NCKAP5: variants seen among roughly 807,000 people sequenced by gnomAD.
NCKAP5 encodes the protein NCK associated protein 5.
NCKAP5 carries 92 observed loss-of-function variants against 167.0 expected under a neutral mutation model. The ratio of observed to expected loss-of-function variants is 0.55; its 90% CI spans 0.47 to 0.66. NCKAP5 has a LOEUF of 0.66. NCKAP5 is among the 30% of genes least tolerant of loss of function. The probability of loss-of-function intolerance (pLI) is 0.00; values close to 1 mark genes in which losing one functional copy is unlikely to be tolerated. For missense variants in NCKAP5, 2,378 were observed against 2,315.0 expected (o/e 1.03, Z -0.56); for synonymous variants, 891 against 877.4 (o/e 1.02, Z -0.27).
At chr2:133,571,197 A>AT (rs1439117090), upstream of NCKAP5, among the ~76,000 whole-genome samples, 171 of 145,494 alleles carry the variant, frequency 1.2e-3, 1 homozygote, top group African/African-American at 4.1e-3. Flanking sequence ...TTTCCTGCAT[A>AT]TTTTTATTTT....
intron 5 of NCKAP5, among the ~76,000 whole-genome samples, chr2:133,197,441 A>T (rs1305824786): frequency 6.6e-6 from 1 of 152,212 alleles, no homozygotes; most frequent in Non-Finnish European, 1.5e-5. Context: ...AATCAACATT[A>T]TCTTTTGAAT....
intron 6 of NCKAP5, among the ~76,000 whole-genome samples, chr2:133,091,317 C>T (rs879368236): frequency 7.2e-5 from 11 of 152,182 alleles, no homozygotes; most frequent in Admixed American, 3.3e-4. Context: ...GAAACCTTTC[C>T]TGTCCCTCTC....
At chr2:132,705,836 A>T (rs1558947953) in intron 19 of NCKAP5, among the ~76,000 whole-genome samples, 1 of 152,200 alleles carries the variant, frequency 6.6e-6, no homozygotes. Flanking sequence ...CCCAGAGAAG[A>T]TTAGTGATTT....
the NCKAP5 span, among the ~76,000 whole-genome samples, chr2:133,631,559 G>GT: frequency 4.6e-3 from 694 of 152,268 alleles, 3 homozygotes; most frequent in African/African-American, 0.016. Context: ...TATTCTGTGA[G>GT]TTTTTTGCAA....
At chr2:133,362,012 GAA>G (rs112037723) in intron 3 of NCKAP5, among the ~76,000 whole-genome samples, 13 of 146,596 alleles carry the variant, frequency 8.9e-5, no homozygotes, top group African/African-American at 2.5e-4. Flanking sequence ...TTTAAAAAAT[GAA>G]AAAAAAAACA....
At chr2:133,139,896 C>A (rs2082933688) in intron 5 of NCKAP5, among the ~76,000 whole-genome samples, 1 of 152,066 alleles carries the variant, frequency 6.6e-6, no homozygotes, top group Admixed American at 6.6e-5. Flanking sequence ...GAGTAATAAC[C>A]CAGGTAGGTA....
At chr2:133,258,623 T>C (rs113145910) in intron 4 of NCKAP5, among the ~76,000 whole-genome samples, 141 of 152,074 alleles carry the variant, frequency 9.3e-4, no homozygotes, top group African/African-American at 3.2e-3. Context: ...TGCATGCCTA[T>C]AGTCGCAGCT....
chr2:133,253,505 A>T (rs2150345703), intron 4 of NCKAP5, among the ~76,000 whole-genome samples: 1 of 152,308 alleles, frequency 6.6e-6, no homozygotes, highest in East Asian at 1.9e-4. Flanking sequence ...TGCCCTCTCT[A>T]CCACCCAAGG....
chr2:133,388,213 G>C (rs1687136936), intron 3 of NCKAP5, among the ~76,000 whole-genome samples: 1 of 152,164 alleles, frequency 6.6e-6, no homozygotes, highest in Non-Finnish European at 1.5e-5. Context: ...CGTACAGATG[G>C]GGCTTTGGTG....
At chr2:132,923,602 T>A (rs1695611146) in intron 8 of NCKAP5, among the ~76,000 whole-genome samples, 1 of 152,168 alleles carries the variant, frequency 6.6e-6, no homozygotes, top group Admixed American at 6.5e-5. Flanking sequence ...GATCATCACC[T>A]AATGGGCTCT....
At chr2:132,724,044 G>T (rs1008972284) in intron 19 of NCKAP5, among the ~76,000 whole-genome samples, 1 of 152,122 alleles carries the variant, frequency 6.6e-6, no homozygotes. Flanking sequence ...CTACTCCTGG[G>T]CTCCAGAGCT....
chr2:133,054,161 A>G (rs1000387608), intron 6 of NCKAP5, among the ~76,000 whole-genome samples: 13 of 152,212 alleles, frequency 8.5e-5, no homozygotes, highest in African/African-American at 2.9e-4. Flanking sequence ...ATTATACACT[A>G]ATTCTAAAAT....
chr2:133,237,730 T>C (rs1348933207), intron 4 of NCKAP5, among the ~76,000 whole-genome samples: 1 of 152,218 alleles, frequency 6.6e-6, no homozygotes, highest in African/African-American at 2.4e-5. Context: ...CTTTAAAAGA[T>C]GTCTCACCTC....
rs1048254605 is a variant in NCKAP5 at position 133,278,449 on chromosome 2, C to T, written c.143+24588G>A. Among the ~76,000 whole-genome samples the T allele has an allele frequency of 3.9e-5, 6 of 152,090 alleles. 1 individual carries two copies. The South Asian group carries it at 6.2e-4, about 16-fold the overall frequency. Reference sequence around the variant, plus strand: ...TGTCTCTTACCCTTTTCTGTAGTCACGTCTCCCTCTGCCCACAACCAGGAA... The same window carrying T: ...TGTCTCTTACCCTTTTCTGTAGTCATGTCTCCCTCTGCCCACAACCAGGAA... On this transcript the variant is annotated intron_variant, in intron 4 of 19. Coordinates refer to ENST00000409261, the MANE Select transcript of NCKAP5 (RefSeq NM_207363.3).
At chr2:133,054,935 A>G (rs1416237526) in intron 6 of NCKAP5, among the ~76,000 whole-genome samples, 1 of 152,208 alleles carries the variant, frequency 6.6e-6, no homozygotes, top group Non-Finnish European at 1.5e-5. Flanking sequence ...TGGCTACAAA[A>G]CAGCCTAGCA....
chr2:133,351,239 A>T (rs1684339231), intron 3 of NCKAP5, among the ~76,000 whole-genome samples: 1 of 152,098 alleles, frequency 6.6e-6, no homozygotes, highest in Admixed American at 6.5e-5. Context: ...AAAAAAAAAT[A>T]AAAACCACTC....
intron 4 of NCKAP5, among the ~76,000 whole-genome samples, chr2:133,244,335 A>C (rs1369806598): frequency 2.0e-5 from 3 of 152,202 alleles, no homozygotes; most frequent in Admixed American, 2.0e-4. Flanking sequence ...AAAATACAAC[A>C]AACTGTTATG....
chr2:133,436,815 A>G (rs1690514355), intron 3 of NCKAP5, among the ~76,000 whole-genome samples: 1 of 152,096 alleles, frequency 6.6e-6, no homozygotes, highest in African/African-American at 2.4e-5. Flanking sequence ...GGGTGCCTAC[A>G]CCTGGATGCC....
At chr2:133,068,797 G>C (rs1288500011) in intron 6 of NCKAP5, among the ~76,000 whole-genome samples, 1 of 152,072 alleles carries the variant, frequency 6.6e-6, no homozygotes, top group African/African-American at 2.4e-5. Context: ...CTAACTTCTT[G>C]CATTGTTAAA....
Sources: gnomAD v4.1 joint callset for allele counts (sites outside exome capture counted in the v4.1 genomes callset) on GRCh38, gnomAD v4.1.1 for gene constraint, MANE v1.5 for transcripts, NCBI Gene and HGNC (gene_info 2026-07-23, HGNC 2026-07-21) for gene names.